SUGCT: variants seen among roughly 807,000 people sequenced by gnomAD.
SUGCT encodes succinyl-CoA:glutarate CoA-transferase.
Under a neutral mutation model 55.0 loss-of-function variants are expected in SUGCT, and 41 were observed. That is an observed-to-expected ratio of 0.74 (90% CI 0.58 to 0.97). The LOEUF (loss-of-function observed/expected upper bound fraction) is 0.97. Among genes scored for constraint, SUGCT ranks in the 50% least tolerant of loss-of-function variants. The probability of loss-of-function intolerance (pLI) is 0.00; values close to 1 mark genes in which losing one functional copy is unlikely to be tolerated. For synonymous variants in SUGCT, 187 were observed against 200.4 expected (o/e 0.93, Z 0.56); for missense variants, 568 against 547.8 (o/e 1.04, Z -0.37).
At chr7:40,810,742 T>A (rs981447488) in intron 13 of SUGCT, among the ~76,000 whole-genome samples, 2 of 152,226 alleles carry the variant, frequency 1.3e-5, no homozygotes, top group African/African-American at 2.4e-5. Context: ...ATATTTCTTT[T>A]GCTGTGCAGA....
Position 40,674,717 on chromosome 7 carries a change from G to T in SUGCT, c.1090-74717G>T, listed in dbSNP as rs541436298. Among the ~76,000 whole-genome samples, 396 of 152,252 alleles carry T rather than the reference G, an allele frequency of 2.6e-3. 7 individuals carry two copies. Among genetic ancestry groups the T allele is most frequent in the African/African-American group, 3.7e-3 (153 of 41,544 alleles). ...GAAATGAAGAAATCCAGACAGTCTG[G>T]TTTTTTTGTTTTTGTTTTTGTCTTT... On this transcript the variant is annotated intron_variant, in intron 12 of 13. Coordinates refer to ENST00000335693, the MANE Select transcript of SUGCT (RefSeq NM_001193313.2).
intron 12 of SUGCT, among the ~76,000 whole-genome samples, chr7:40,737,920 G>A (rs369409815): frequency 3.4e-4 from 51 of 149,690 alleles, no homozygotes; most frequent in African/African-American, 1.1e-3. Context: ...GTAAAACTCC[G>A]TCTCAAAAAA....
chr7:40,344,332 G>A (rs527651929), intron 9 of SUGCT, among the ~76,000 whole-genome samples: 8 of 152,074 alleles, frequency 5.3e-5, no homozygotes, highest in East Asian at 1.9e-4. Context: ...TTTTACTACC[G>A]ATCCTATCCT....
At chr7:40,468,517 T>G (rs1790241978) in intron 11 of SUGCT, among the ~76,000 whole-genome samples, 1 of 152,192 alleles carries the variant, frequency 6.6e-6, no homozygotes, top group Non-Finnish European at 1.5e-5. Flanking sequence ...ATGGGTATTA[T>G]GTAGTACAGT....
chr7:40,800,867 G>A (rs982324845), intron 13 of SUGCT, among the ~76,000 whole-genome samples: 2 of 152,128 alleles, frequency 1.3e-5, no homozygotes, highest in African/African-American at 4.8e-5. Context: ...CACACAATTT[G>A]TATCCTAGCC....
intron 8 of SUGCT, among the ~76,000 whole-genome samples, chr7:40,288,128 C>T (rs1782076508): frequency 6.6e-6 from 1 of 152,002 alleles, no homozygotes; most frequent in African/African-American, 2.4e-5. Context: ...GGATATTGGT[C>T]TTTACGGTCT....
chr7:40,949,794 G>T, the SUGCT span, among the ~76,000 whole-genome samples: 1 of 152,102 alleles, frequency 6.6e-6, no homozygotes, highest in Non-Finnish European at 1.5e-5. Flanking sequence ...TGAGGGCTCT[G>T]TTCTGTTCCA....
At chr7:40,873,353 G>A in the SUGCT span, among the ~76,000 whole-genome samples, 21 of 152,156 alleles carry the variant, frequency 1.4e-4, no homozygotes, top group African/African-American at 4.3e-4. Flanking sequence ...GGCCCTAATT[G>A]TTGACTCTAT....
At chr7:40,816,092 C>T (rs1257093302) in intron 13 of SUGCT, among the ~76,000 whole-genome samples, 1 of 152,222 alleles carries the variant, frequency 6.6e-6, no homozygotes, top group African/African-American at 2.4e-5. Context: ...GCTGTAGCAG[C>T]TCTCCTTCTG....
At chr7:40,153,098 C>G in intron 1 of SUGCT, 1 of 189,048 alleles carries the variant, frequency 5.3e-6, no homozygotes. Context: ...TCATGATGGA[C>G]AAGAAGTCCA....
chr7:40,616,222 G>A (rs1798995917), intron 12 of SUGCT, among the ~76,000 whole-genome samples: 1 of 151,848 alleles, frequency 6.6e-6, no homozygotes, highest in Non-Finnish European at 1.5e-5. Context: ...TTGAGATGGA[G>A]TCTTACTCTG....
At position 40,156,922 on chromosome 7, in the gene SUGCT, C is replaced by T. The variant is rs528767522; in HGVS notation, c.100+21802C>T. 1.5e-4 allele frequency among the ~76,000 whole-genome samples: 22 copies of T among 148,018 alleles called. No homozygotes were observed. In the East Asian group the frequency reaches 3.6e-3, roughly 24 times the overall value. ...ACCCAGCTACTCAGAGGCTGAGGTA[C>T]GAGAATCGCTTGAACTCGGGAGGCA... On this transcript the variant is annotated intron_variant, in intron 1 of 13. Coordinates refer to ENST00000335693, the MANE Select transcript of SUGCT (RefSeq NM_001193313.2).
At chr7:40,373,732 G>A (rs533325162) in intron 9 of SUGCT, among the ~76,000 whole-genome samples, 1 of 152,190 alleles carries the variant, frequency 6.6e-6, no homozygotes, top group African/African-American at 2.4e-5. Context: ...GACTAATTAT[G>A]TTTGTGCCAA....
chr7:40,829,869 A>G (rs747827168), intron 13 of SUGCT, among the ~76,000 whole-genome samples: 29 of 152,306 alleles, frequency 1.9e-4, no homozygotes, highest in Admixed American at 7.8e-4. Context: ...AGACACCAAA[A>G]GCATATAGAA....
At chr7:40,151,108 C>T (rs980081034) in intron 1 of SUGCT, among the ~76,000 whole-genome samples, 1 of 152,008 alleles carries the variant, frequency 6.6e-6, no homozygotes, top group Non-Finnish European at 1.5e-5. Flanking sequence ...GGCGTGGTGG[C>T]GTGCACCTGT....
the SUGCT span, among the ~76,000 whole-genome samples, chr7:40,905,413 A>C: frequency 1.3e-5 from 2 of 152,254 alleles, no homozygotes; most frequent in Non-Finnish European, 2.9e-5. Flanking sequence ...AAATAGAGCA[A>C]GCATAACTAA....
chr7:40,576,575 G>T (rs1796778117), intron 12 of SUGCT, among the ~76,000 whole-genome samples: 1 of 152,202 alleles, frequency 6.6e-6, no homozygotes, highest in Non-Finnish European at 1.5e-5. Context: ...ATAGGGCATG[G>T]CTGTTCACAA....
the SUGCT span, among the ~76,000 whole-genome samples, chr7:40,892,070 A>G: frequency 2.0e-5 from 3 of 152,194 alleles, no homozygotes; most frequent in African/African-American, 7.2e-5. Flanking sequence ...ACTCAGAATA[A>G]CACTGTAGAA....
Position 40,291,621 on chromosome 7 carries a change from A to G in SUGCT, c.720+16965A>G, listed in dbSNP as rs565929631. 2.6e-4 allele frequency among the ~76,000 whole-genome samples: 39 copies of G among 151,544 alleles called. No individual in the cohort carries two copies. In the East Asian group the frequency reaches 6.4e-3, roughly 25 times the overall value. On this transcript the variant is annotated intron_variant, in intron 8 of 13. Transcript: ENST00000335693. ...GTATACATATGTAACAAACCTGCAC[A>G]TTGTGCACATGTACCCTAAAACTTA...
Sources: allele counts gnomAD v4.1 joint callset (sites outside exome capture counted in the v4.1 genomes callset), GRCh38; gene constraint gnomAD v4.1.1; transcripts MANE v1.5; gene names NCBI Gene and HGNC (gene_info 2026-07-23, HGNC 2026-07-21).